NEDD4: variants seen among roughly 807,000 people sequenced by gnomAD.
NEDD4 encodes E3 ubiquitin-protein ligase NEDD4.
NEDD4 carries 99 observed loss-of-function variants against 144.9 expected under a neutral mutation model. The observed-to-expected ratio is 0.68, with a 90% CI of 0.58 to 0.81. The LOEUF is 0.81. Among genes scored for constraint, NEDD4 ranks in the 30% least tolerant of loss-of-function variants. The pLI is 0.00. For synonymous variants in NEDD4, 318 were observed against 350.6 expected (o/e 0.91, Z 1.04); for missense variants, 985 against 1,065.9 (o/e 0.92, Z 1.06).
intron 4 of NEDD4, among the ~76,000 whole-genome samples, chr15:55,928,182 G>T (rs1012943199): frequency 6.6e-6 from 1 of 152,022 alleles, no homozygotes; most frequent in African/African-American, 2.4e-5. Flanking sequence ...GCTAATTTTT[G>T]TATTTTTTTA....
chr15:55,935,888 CT>C (rs1386511988), intron 4 of NEDD4, among the ~76,000 whole-genome samples: 1 of 151,022 alleles, frequency 6.6e-6, no homozygotes, highest in Non-Finnish European at 1.5e-5. Context: ...AAAGCTCTCC[CT>C]TTTCAGCCTC....
chr15:55,885,430 C>T (rs2035351150), intron 5 of NEDD4, among the ~76,000 whole-genome samples: 1 of 151,994 alleles, frequency 6.6e-6, no homozygotes, highest in South Asian at 2.1e-4. Flanking sequence ...TTGTGGTGTG[C>T]TAACTACTCA....
chr15:55,870,755 G>C (rs1243947150), intron 7 of NEDD4, among the ~76,000 whole-genome samples: 1 of 151,852 alleles, frequency 6.6e-6, no homozygotes, highest in African/African-American at 2.4e-5. Flanking sequence ...GGCTGGTCTG[G>C]AATTCCTGGG....
chr15:55,896,033 TA>T (rs1201554621), intron 5 of NEDD4, among the ~76,000 whole-genome samples: 2 of 152,222 alleles, frequency 1.3e-5, no homozygotes, highest in African/African-American at 4.8e-5. Flanking sequence ...GAGGAAAAAC[TA>T]AATTCCTTGG....
At chr15:55,911,286 T>C (rs1370925064) in intron 5 of NEDD4, among the ~76,000 whole-genome samples, 2 of 152,076 alleles carry the variant, frequency 1.3e-5, no homozygotes, top group Non-Finnish European at 2.9e-5. Flanking sequence ...GTGCACAGGA[T>C]AGCCCCCACT....
intron 13 of NEDD4, among the ~76,000 whole-genome samples, chr15:55,851,986 C>G (rs2034000754): frequency 6.6e-6 from 1 of 151,830 alleles, no homozygotes; most frequent in South Asian, 2.1e-4. Flanking sequence ...ACATCAGTGT[C>G]AGAATATAAA....
intron 26 of NEDD4, among the ~76,000 whole-genome samples, chr15:55,833,450 G>A (rs1289418261): frequency 6.6e-6 from 1 of 152,044 alleles, no homozygotes; most frequent in Non-Finnish European, 1.5e-5. Flanking sequence ...TTGAGGTCAG[G>A]AGTTTGAGAC....
At chr15:55,939,527 A>T (rs1390195876) in intron 4 of NEDD4, among the ~76,000 whole-genome samples, 1 of 152,214 alleles carries the variant, frequency 6.6e-6, no homozygotes, top group Non-Finnish European at 1.5e-5. Flanking sequence ...AACCTAATTT[A>T]AAAAATGAAC....
At chr15:55,930,834 C>T (rs1293569528) in intron 4 of NEDD4, among the ~76,000 whole-genome samples, 1 of 152,154 alleles carries the variant, frequency 6.6e-6, no homozygotes, top group Non-Finnish European at 1.5e-5. Context: ...TTTGCTTCTC[C>T]TTTGCCTTCC....
chr15:55,914,180 C>A (rs574766038), intron 5 of NEDD4, among the ~76,000 whole-genome samples: 1 of 148,432 alleles, frequency 6.7e-6, no homozygotes. Context: ...TTTTATTCAC[C>A]TAAAGTTACT....
intron 5 of NEDD4, among the ~76,000 whole-genome samples, chr15:55,906,959 G>T (rs922737406): frequency 6.6e-6 from 1 of 151,856 alleles, no homozygotes; most frequent in Non-Finnish European, 1.5e-5. Context: ...AGCCAGACAG[G>T]TGGCACGTAC....
intron 4 of NEDD4, among the ~76,000 whole-genome samples, chr15:55,930,114 C>G (rs1221084984): frequency 6.6e-6 from 1 of 152,138 alleles, no homozygotes; most frequent in African/African-American, 2.4e-5. Flanking sequence ...CAAATTATGG[C>G]TTGTGTGCTA....
At chr15:55,935,928 G>C (rs1000698719) in intron 4 of NEDD4, among the ~76,000 whole-genome samples, 1 of 150,780 alleles carries the variant, frequency 6.6e-6, no homozygotes, top group African/African-American at 2.4e-5. Context: ...TGGAACTGCT[G>C]TAAGTATCTG....
intron 2 of NEDD4, among the ~76,000 whole-genome samples, chr15:55,953,436 ATCT>A (rs2037281029): frequency 6.7e-6 from 1 of 148,790 alleles, no homozygotes; most frequent in South Asian, 2.1e-4. Flanking sequence ...TTCTTTTTTT[ATCT>A]TCTTTTTTGT....
intron 2 of NEDD4, among the ~76,000 whole-genome samples, chr15:55,957,338 C>A (rs1470107742): frequency 3.9e-5 from 6 of 152,106 alleles, no homozygotes; most frequent in Non-Finnish European, 1.5e-5. Flanking sequence ...TTGGATAGAA[C>A]ATGAAAGCAG....
At chr15:55,913,959 A>G (rs1351359378) in intron 5 of NEDD4, among the ~76,000 whole-genome samples, 1 of 151,962 alleles carries the variant, frequency 6.6e-6, no homozygotes, top group Non-Finnish European at 1.5e-5. Context: ...TTTCAGGAAG[A>G]AAAACAGTTG....
chr15:55,878,188 A>G (rs1279017256), intron 5 of NEDD4, among the ~76,000 whole-genome samples: 1 of 152,354 alleles, frequency 6.6e-6, no homozygotes, highest in African/African-American at 2.4e-5. Flanking sequence ...TACAGTAAGT[A>G]TAAGTGGCTA....
At chr15:55,952,028 A>C (rs1439056500) in intron 2 of NEDD4, among the ~76,000 whole-genome samples, 4 of 151,842 alleles carry the variant, frequency 2.6e-5, no homozygotes, top group Admixed American at 6.6e-5. Flanking sequence ...TTAAAAAAAA[A>C]AAAACAAAAA....
chr15:55,925,191 G>T (rs75097839), intron 4 of NEDD4, among the ~76,000 whole-genome samples: 2,950 of 152,286 alleles, frequency 0.019, 106 homozygotes, highest in African/African-American at 0.068. Flanking sequence ...TCATTTTCTA[G>T]TAGTTTCACA....
Sources: gnomAD v4.1 joint callset for allele counts (sites outside exome capture counted in the v4.1 genomes callset) on GRCh38, gnomAD v4.1.1 for gene constraint, MANE v1.5 for transcripts, NCBI Gene and HGNC (gene_info 2026-07-23, HGNC 2026-07-21) for gene names.